Variants in BCAS3 observed in about 807,000 individuals in gnomAD.
The protein encoded by BCAS3 is BCAS3 microtubule associated cell migration factor.
In BCAS3, 53 loss-of-function variants were observed where a neutral mutation model predicts 116.1. That is an observed-to-expected ratio of 0.46 (90% CI 0.37 to 0.57). The LOEUF (loss-of-function observed/expected upper bound fraction) is 0.57. Among genes scored for constraint, BCAS3 ranks in the 20% least tolerant of loss-of-function variants. BCAS3 has a pLI of 0.00. For missense variants in BCAS3, 917 were observed against 1,165.4 expected (o/e 0.79, Z 3.10); for synonymous variants, 391 against 408.2 (o/e 0.96, Z 0.51).
At position 61,384,880 on chromosome 17, in the gene BCAS3, G is replaced by A. The variant is rs115780912; in HGVS notation, c.2594-7097G>A. Among the ~76,000 whole-genome samples the A allele has an allele frequency of 4.2e-3, 635 of 152,316 alleles. 9 individuals are homozygous for A. Among genetic ancestry groups the A allele is most frequent in the African/African-American group, 0.015 (616 of 41,572 alleles). On this transcript the variant is annotated intron_variant, in intron 23 of 23. Transcript: ENST00000407086. Reference sequence around the variant, plus strand: ...TGAAGCCTGAGGGAGGAACCTGGTGGGGAGGGGAGCCCCACACTGCAGGGT... The same window carrying A: ...TGAAGCCTGAGGGAGGAACCTGGTGAGGAGGGGAGCCCCACACTGCAGGGT...
At chr17:61,369,111 A>C (rs948245164) in intron 23 of BCAS3, among the ~76,000 whole-genome samples, 2 of 152,168 alleles carry the variant, frequency 1.3e-5, no homozygotes, top group Admixed American at 6.5e-5. Flanking sequence ...CACACACACA[A>C]CATGCACTCA....
At chr17:61,372,901 G>C (rs1294175000) in intron 23 of BCAS3, among the ~76,000 whole-genome samples, 1 of 152,120 alleles carries the variant, frequency 6.6e-6, no homozygotes, top group Non-Finnish European at 1.5e-5. Flanking sequence ...TCTAGGTAAA[G>C]ATATAACTTA....
intron 22 of BCAS3, among the ~76,000 whole-genome samples, chr17:61,221,017 A>G (rs926358095): frequency 3.3e-5 from 5 of 152,236 alleles, no homozygotes; most frequent in East Asian, 1.9e-4. Context: ...GAAGAATGGC[A>G]TGAACCCGGG....
Position 61,256,067 on chromosome 17 carries a change from A to C in BCAS3, c.2426-112260A>C, listed in dbSNP as rs2048755481. On this transcript the variant is annotated intron_variant, in intron 22 of 23. Transcript: ENST00000407086. The surrounding 1 kb of genome is among the most constrained non-coding windows in gnomAD (Gnocchi z 5.6). The stretch of plus-strand genomic sequence containing the variant: ...GATTTTTTTTAACCTTTCAGTTAAT[A>C]AATGTTTTCCAGCCTCCATCAGCCT... 1.3e-5 allele frequency among the ~76,000 whole-genome samples: 2 copies of C among 152,198 alleles called. No individual in the cohort carries two copies. The highest frequency in any genetic ancestry group is 4.8e-5 in the African/African-American group (2 of 41,452).
At position 61,333,746 on chromosome 17, in the gene BCAS3, G is replaced by A. The variant is rs1038530882; in HGVS notation, c.2426-34581G>A. ...AGCGATTCTCCTGCCTCAGCCTCCC[G>A]AGTAGCTGGGATTACAGGGGCACAC... On this transcript the variant is annotated intron_variant, in intron 22 of 23. Transcript: ENST00000407086. This position sits in a 1 kb window ranked among gnomAD's most constrained non-coding sequence, Gnocchi z 4.8. 2.6e-5 allele frequency among the ~76,000 whole-genome samples: 4 copies of A among 151,142 alleles called. No individual in the cohort carries two copies. Among genetic ancestry groups the A allele is most frequent in the Admixed American group, 2.0e-4 (3 of 15,156 alleles).
chr17:60,827,154 C>T (rs2050504219), intron 7 of BCAS3, among the ~76,000 whole-genome samples: 1 of 152,164 alleles, frequency 6.6e-6, no homozygotes, highest in Non-Finnish European at 1.5e-5. Context: ...CTTAGGCTCA[C>T]TTTCCTTATT....
At chr17:60,704,773 G>A (rs2036890430) in intron 4 of BCAS3, among the ~76,000 whole-genome samples, 3 of 151,752 alleles carry the variant, frequency 2.0e-5, no homozygotes, top group Admixed American at 1.3e-4. Flanking sequence ...GGGAGGCAGA[G>A]GTTACAGTTA....
At chr17:61,260,938 C>A (rs902397173) in intron 22 of BCAS3, among the ~76,000 whole-genome samples, 1 of 152,166 alleles carries the variant, frequency 6.6e-6, no homozygotes, top group Non-Finnish European at 1.5e-5. Context: ...AAAGCAACAA[C>A]TCTAGATGAG....
rs79185289 is a variant in BCAS3, at chr17:61,300,733, G to A, written c.2426-67594G>A. Among the ~76,000 whole-genome samples the A allele has an allele frequency of 3.3e-5, 5 of 152,248 alleles. No homozygotes were observed. In the East Asian group the frequency reaches 9.6e-4, roughly 29 times the overall value. ...TTTCCCTCATCACCTACCACAGAAAGTTCAGAGAAGTTTTTATTTCATATC... is the reference window on the plus strand; with the variant it reads ...TTTCCCTCATCACCTACCACAGAAAATTCAGAGAAGTTTTTATTTCATATC... On this transcript the variant is annotated intron_variant, in intron 22 of 23. Coordinates refer to ENST00000407086, the MANE Select transcript of BCAS3 (RefSeq NM_017679.5). This position sits in a 1 kb window ranked among gnomAD's most constrained non-coding sequence, Gnocchi z 5.1.
chr17:61,033,939 CAT>C (rs1228235104), intron 16 of BCAS3, among the ~76,000 whole-genome samples: 1 of 152,142 alleles, frequency 6.6e-6, no homozygotes, highest in Non-Finnish European at 1.5e-5. Flanking sequence ...TGTCCTCAGA[CAT>C]ATGAGCAACA....
chr17:60,984,712 T>G (rs976885400), intron 14 of BCAS3, among the ~76,000 whole-genome samples: 3 of 152,064 alleles, frequency 2.0e-5, no homozygotes, highest in Admixed American at 2.0e-4. Flanking sequence ...GTAGAGTACA[T>G]GAAATGTTTT....
chr17:61,359,219 A>G (rs2058320483), intron 22 of BCAS3, among the ~76,000 whole-genome samples: 1 of 152,178 alleles, frequency 6.6e-6, no homozygotes. Context: ...CACTGCCCCA[A>G]AGAAGAGCTG....
chr17:61,039,644 A>T (rs2067343418), intron 18 of BCAS3, among the ~76,000 whole-genome samples: 1 of 151,962 alleles, frequency 6.6e-6, no homozygotes, highest in Admixed American at 6.6e-5. Context: ...GATGGTCTTG[A>T]TCTCCTGACC....
chr17:61,375,502 T>A (rs1034265331), intron 23 of BCAS3, among the ~76,000 whole-genome samples: 1 of 151,654 alleles, frequency 6.6e-6, no homozygotes, highest in Non-Finnish European at 1.5e-5. Flanking sequence ...ATTAGCCCCA[T>A]CCCATACCAG....
chr17:60,804,920 A>G (rs1038316803), intron 6 of BCAS3, among the ~76,000 whole-genome samples: 2 of 150,314 alleles, frequency 1.3e-5, no homozygotes, highest in Non-Finnish European at 3.0e-5. Flanking sequence ...GCTATTGTCA[A>G]TTATTGTGGC....
In BCAS3 at chr17:61,186,957, A is replaced by C. The variant is rs929497313; in HGVS notation, c.2425+102393A>C. On this transcript the variant is annotated intron_variant, in intron 22 of 23. Transcript: ENST00000407086. The surrounding 1 kb of genome is among the most constrained non-coding windows in gnomAD (Gnocchi z 4.9). ...GATCTCCTGACCTCGTGATCCACCC[A>C]CCTCGGCCTCCCAAAGTGCTGGGAT... Among the ~76,000 whole-genome samples the C allele has an allele frequency of 6.6e-6, 1 of 152,040 alleles. No individual in the cohort carries two copies.
At chr17:61,330,838 G>C (rs1310732072) in intron 22 of BCAS3, among the ~76,000 whole-genome samples, 2 of 152,222 alleles carry the variant, frequency 1.3e-5, no homozygotes, top group African/African-American at 4.8e-5. Flanking sequence ...CTGGGCTTCA[G>C]TTTCCTCATT....
At chr17:61,223,507 A>G (rs758540) in intron 22 of BCAS3, among the ~76,000 whole-genome samples, 151,940 of 152,298 alleles carry the variant, frequency 1, 75,792 homozygotes, top group Non-Finnish European at 1. Context: ...AGTTAATAGA[A>G]ATACCTCTAA....
chr17:61,391,929 C>A lies in BCAS3; in HGVS notation c.2594-48C>A. On this transcript the variant is annotated intron_variant, in intron 23 of 23. Coordinates refer to ENST00000407086, the MANE Select transcript of BCAS3 (RefSeq NM_017679.5). This position sits in a 1 kb window ranked among gnomAD's most constrained non-coding sequence, Gnocchi z 7.7. ...GCCTGGCCCAGATGGTGCCCCCACTCCCCAGACCCAACTCTAACCAGGCCT... is the reference window on the plus strand; with the variant it reads ...GCCTGGCCCAGATGGTGCCCCCACTACCCAGACCCAACTCTAACCAGGCCT... 2 of 1,596,164 alleles carry A rather than the reference C, an allele frequency of 1.3e-6. No homozygotes were observed. Among genetic ancestry groups the A allele is most frequent in the Non-Finnish European group, 8.5e-7 (1 of 1,171,622 alleles).
Sources: allele counts gnomAD v4.1 joint callset (sites outside exome capture counted in the v4.1 genomes callset), GRCh38; gene constraint gnomAD v4.1.1; non-coding constraint Gnocchi (gnomAD v3.1); transcripts MANE v1.5; gene names NCBI Gene and HGNC (gene_info 2026-07-23, HGNC 2026-07-21).